LDHAL6A: variants seen among roughly 807,000 people sequenced by gnomAD.
The protein encoded by LDHAL6A is L-lactate dehydrogenase A-like 6A.
LDHAL6A carries 19 observed loss-of-function variants against 28.2 expected under a neutral mutation model. The observed-to-expected ratio is 0.67, with a 90% CI of 0.47 to 0.99. The LOEUF is 0.99. Among genes scored for constraint, LDHAL6A ranks in the 50% least tolerant of loss-of-function variants. The pLI is 0.00. For missense variants in LDHAL6A, 372 were observed against 398.6 expected, an observed-to-expected ratio of 0.93 and a Z score of 0.57; for synonymous variants, 144 against 134.4, an observed-to-expected ratio of 1.07 and a Z score of -0.49.
chr11:18,463,930 T>G (rs1355198264), intron 1 of LDHAL6A, 31 bp from the exon 2 acceptor site: 1 of 1,376,064 alleles, frequency 7.3e-7, no homozygotes, highest in Non-Finnish European at 1.0e-6. Flanking sequence ...AGAGATACAC[T>G]CACACCCATT....
chr11:18,456,443 C>G lies in LDHAL6A; in HGVS notation c.-238C>G, dbSNP rs912205947. 5 of 489,844 alleles carry G rather than the reference C, an allele frequency of 1.0e-5. No individual in the cohort carries two copies. Among genetic ancestry groups the G allele is most frequent in the Non-Finnish European group, 1.8e-5 (5 of 275,504 alleles). The allele number at this position is 489,844 out of a possible 1,614,324, so 30.3% of individuals were successfully genotyped here. A position where few individuals can be genotyped will look rare whatever the true frequency, so the allele number is the denominator to read the frequency against. Reference sequence around the variant, plus strand: ...TCTTAATTCCTCTTAACTGTACTCACGCTTCCTTCTCCTTCCCCTGGTCCG... The same window carrying G: ...TCTTAATTCCTCTTAACTGTACTCAGGCTTCCTTCTCCTTCCCCTGGTCCG... On this transcript the variant is annotated 5_prime_UTR_variant, in exon 1 of 7. Coordinates refer to ENST00000280706, the MANE Select transcript of LDHAL6A (RefSeq NM_144972.5).
rs144668915 is a variant in LDHAL6A, at chr11:18,457,142, C to T, written c.126+336C>T. On this transcript the variant is annotated intron_variant, in intron 1 of 6. Coordinates refer to ENST00000280706, the MANE Select transcript of LDHAL6A (RefSeq NM_144972.5). ...TAGGTGGCAGAAAAGAGTATACAAGCGTGTCAGTGATGGTAGGCAGCCTAC... is the reference window on the plus strand; with the variant it reads ...TAGGTGGCAGAAAAGAGTATACAAGTGTGTCAGTGATGGTAGGCAGCCTAC... 4.7e-3 allele frequency among the ~76,000 whole-genome samples: 720 copies of T among 152,162 alleles called. 6 individuals carry two copies. Among genetic ancestry groups the T allele is most frequent in the African/African-American group, 0.017 (696 of 41,516 alleles).
chr11:18,475,714 C>CT lies in LDHAL6A; in HGVS notation c.592+76dup. 4 of 1,295,176 alleles carry CT rather than the reference C, an allele frequency of 3.1e-6. No homozygotes were observed. The Middle Eastern group carries it at 7.9e-4, about 256-fold the overall frequency. 80.2% of individuals were successfully genotyped at this position (1,295,176 alleles called of 1,614,324 possible). On this transcript the variant is annotated intron_variant, in intron 4 of 6. Transcript: ENST00000280706. ...CATACAGACATTTAATGTAAAGTAG[C>CT]TCCTGGGAGGGGAGAAAAGACTTTA...
rs796666851 is a variant in LDHAL6A at position 18,467,892 on chromosome 11, T to C, written c.418+2082T>C. Among the ~76,000 whole-genome samples, 43 of 67,636 alleles carry C rather than the reference T, an allele frequency of 6.4e-4. 2 individuals are homozygous for C. Among genetic ancestry groups the C allele is most frequent in the South Asian group, 1.8e-3 (3 of 1,630 alleles). 44.4% of individuals were successfully genotyped at this position (67,636 alleles called of 152,430 possible). A position where few individuals can be genotyped will look rare whatever the true frequency, so the allele number is the denominator to read the frequency against. ...ATATATATACACACATATATATATA[T>C]ATATATATATATATATATATATATA... is the stretch of plus-strand genomic sequence containing the variant. On this transcript the variant is annotated intron_variant, in intron 3 of 6. Coordinates refer to ENST00000280706, the MANE Select transcript of LDHAL6A (RefSeq NM_144972.5).
At position 18,478,822 on chromosome 11, in the gene LDHAL6A, A is replaced by G; in HGVS notation, c.951A>G (p.Gln317=). ...KLTLEEEACL[Q]KSAETLWEIQ... ...CTCTTGAAGAGGAGGCCTGCTTGCA[A>G]AAGAGTGCAGAAACACTTTGGGAAA... Residue 317 remains glutamine (Q), a synonymous_variant, in exon 7 of 7, where the codon CAA becomes CAG. Coordinates refer to ENST00000280706, the MANE Select transcript of LDHAL6A (RefSeq NM_144972.5). 6.2e-7 allele frequency: 1 copy of G among 1,613,990 alleles called. No homozygotes were observed. Among genetic ancestry groups the G allele is most frequent in the Non-Finnish European group, 8.5e-7 (1 of 1,180,000 alleles).
chr11:18,460,344 C>A (rs565085930), intron 1 of LDHAL6A, among the ~76,000 whole-genome samples: 1 of 152,166 alleles, frequency 6.6e-6, no homozygotes, highest in African/African-American at 2.4e-5. Context: ...GTAATCCCAG[C>A]ACTTTGGGAG....
chr11:18,467,961 ATATATACG>A (rs1169755715), intron 3 of LDHAL6A, among the ~76,000 whole-genome samples: 22 of 22,444 alleles, frequency 9.8e-4, no homozygotes, highest in African/African-American at 2.2e-3. Context: ...ATATACGTAT[ATATATACG>A]TATATATATA....
chr11:18,456,729 G>A lies in LDHAL6A; in HGVS notation c.49G>A (p.Ala17Thr), dbSNP rs760807630. 10 of 1,613,774 alleles carry A rather than the reference G, an allele frequency of 6.2e-6. No homozygotes were observed. The highest frequency in any genetic ancestry group is 8.5e-6 in the Non-Finnish European group (10 of 1,179,668). The change falls in exon 1 of 7, where the codon GCC becomes ACC. Residue 17 changes from alanine (A) to threonine (T), a missense_variant. Ala to Thr is a moderately conservative substitution (Grantham distance 58). This residue lies in a region of LDHAL6A where 77 missense variants were observed against 77.9 expected (regional missense o/e 0.99). Transcript: ENST00000280706. ...ELIKNFAEEE[A>T]IHHNKISIVG... ...TATTAAGAATTTCGCGGAAGAGGAG[G>A]CCATTCATCACAATAAGATCTCCAT...
rs369291120 is a variant in LDHAL6A at position 18,475,469 on chromosome 11, A to C, written c.422A>C (p.Asp141Ala). 6.2e-7 allele frequency: 1 copy of C among 1,610,982 alleles called. No homozygotes were observed. ...CKLLIVTNPV[D>A]ILTYVAWKLS... ...GATATGAACTTTTTCTTCTTAGTGGATATCTTAACTTATGTAGCCTGGAAG... is the reference window on the plus strand; with the variant it reads ...GATATGAACTTTTTCTTCTTAGTGGCTATCTTAACTTATGTAGCCTGGAAG... Residue 141 changes from aspartate (D) to alanine (A), a missense_variant, in exon 4 of 7, where the codon GAT (aspartate) becomes GCT (alanine). This residue lies in a region of LDHAL6A where 291 missense variants were observed against 302.9 expected (regional missense o/e 0.96). Transcript: ENST00000280706.
At chr11:18,465,164 G>A (rs1024787060) in intron 2 of LDHAL6A, among the ~76,000 whole-genome samples, 10 of 151,720 alleles carry the variant, frequency 6.6e-5, no homozygotes, top group East Asian at 3.9e-4. Context: ...ACGGAGTCTC[G>A]CTCTGTCACC....
intron 2 of LDHAL6A, 133 bp from the exon 3 acceptor site, chr11:18,465,504 C>T: frequency 1.9e-6 from 1 of 522,292 alleles, no homozygotes; most frequent in Non-Finnish European, 3.2e-6. Flanking sequence ...AAAAAGTAGT[C>T]TAGGCATACT....
Position 18,467,996 on chromosome 11 carries a change from TATATACGTATATATATAC to T in LDHAL6A, c.418+2192_418+2209del, listed in dbSNP as rs1565071549. Among the ~76,000 whole-genome samples the T allele has an allele frequency of 3.4e-4, 19 of 56,446 alleles. 1 individual carries two copies. Among genetic ancestry groups the T allele is most frequent in the East Asian group, 3.1e-3 (4 of 1,270 alleles). 37.0% of individuals were successfully genotyped at this position (56,446 alleles called of 152,430 possible). On this transcript the variant is annotated intron_variant, in intron 3 of 6. Coordinates refer to ENST00000280706, the MANE Select transcript of LDHAL6A (RefSeq NM_144972.5). ...ATATATATACGTATATATATGCATATATATACGTATATATATACATATATATACGTATATATATATACA... is the reference window on the plus strand; with the variant it reads ...ATATATATACGTATATATATGCATATATATATATACGTATATATATATACA...
chr11:18,466,560 G>A lies in LDHAL6A; in HGVS notation c.418+750G>A, dbSNP rs550561558. Among the ~76,000 whole-genome samples the A allele has an allele frequency of 2.3e-3, 343 of 151,528 alleles. 1 individual carries two copies. Among genetic ancestry groups the A allele is most frequent in the African/African-American group, 7.6e-3 (315 of 41,254 alleles). On this transcript the variant is annotated intron_variant, in intron 3 of 6. Transcript: ENST00000280706. ...TCCCAGCTACTCAGGAGGCTGAGGC[G>A]GGAGGATTGCTTCAGCCAGGGAGGT...
In LDHAL6A at chr11:18,479,352, T is replaced by C. The variant is rs1849481166; in HGVS notation, c.*482T>C. On this transcript the variant is annotated 3_prime_UTR_variant, in exon 7 of 7. Coordinates refer to ENST00000280706, the MANE Select transcript of LDHAL6A (RefSeq NM_144972.5). ...TTTTTTAAAGTGACGGCATCAAAGA[T>C]GTTTTTGGTACTTCTCAGTACTTGC... 1 of 151,038 alleles carries C rather than the reference T, an allele frequency of 6.6e-6. No homozygotes were observed. The allele number at this position is 151,038 out of a possible 1,614,324, so 9.4% of individuals were successfully genotyped here. A position where few individuals can be genotyped will look rare whatever the true frequency, so the allele number is the denominator to read the frequency against.
At position 18,467,438 on chromosome 11, in the gene LDHAL6A, T is replaced by A. The variant is rs1195890700; in HGVS notation, c.418+1628T>A. On this transcript the variant is annotated intron_variant, in intron 3 of 6. Transcript: ENST00000280706. ...GTTACTACATACGTTTTTCTCCATCTTCTTTCATTTTTAACTTAATATATC... is the reference window on the plus strand; with the variant it reads ...GTTACTACATACGTTTTTCTCCATCATCTTTCATTTTTAACTTAATATATC... Among the ~76,000 whole-genome samples the A allele has an allele frequency of 2.6e-5, 4 of 152,232 alleles. No individual in the cohort carries two copies. In the South Asian group the frequency reaches 8.3e-4, roughly 31 times the overall value.
At position 18,456,492 on chromosome 11, in the gene LDHAL6A, G is replaced by T; in HGVS notation, c.-189G>T. 3.5e-6 allele frequency: 2 copies of T among 572,864 alleles called. No individual in the cohort carries two copies. The highest frequency in any genetic ancestry group is 2.1e-5 in the South Asian group (1 of 48,328). The allele number at this position is 572,864 out of a possible 1,614,324, so 35.5% of individuals were successfully genotyped here. A position where few individuals can be genotyped will look rare whatever the true frequency, so the allele number is the denominator to read the frequency against. ...CGCTTCATGGATGCTGAGCTGCCTGGCCAGAACCTACCCAGCTTCTTTGCT... is the reference window on the plus strand; with the variant it reads ...CGCTTCATGGATGCTGAGCTGCCTGTCCAGAACCTACCCAGCTTCTTTGCT... On this transcript the variant is annotated 5_prime_UTR_variant, in exon 1 of 7. Coordinates refer to ENST00000280706, the MANE Select transcript of LDHAL6A (RefSeq NM_144972.5).
At chr11:18,473,414 C>T (rs779961172) in intron 3 of LDHAL6A, among the ~76,000 whole-genome samples, 4 of 150,256 alleles carry the variant, frequency 2.7e-5, no homozygotes, top group Admixed American at 1.3e-4. Flanking sequence ...GACAGACAGA[C>T]AGATAGATAC....
intron 3 of LDHAL6A, chr11:18,469,233 A>C (rs1474229925): frequency 1.6e-6 from 1 of 622,752 alleles, no homozygotes; most frequent in Non-Finnish European, 2.8e-6. Flanking sequence ...GGGGACAGTA[A>C]GTTCACATTT....
At chr11:18,473,723 T>TC (rs1299220234) in intron 3 of LDHAL6A, among the ~76,000 whole-genome samples, 1 of 152,156 alleles carries the variant, frequency 6.6e-6, no homozygotes, top group Non-Finnish European at 1.5e-5. Context: ...GTAGTTTTTT[T>TC]CTCCCTTGTC....
Sources: allele counts gnomAD v4.1 joint callset (sites outside exome capture counted in the v4.1 genomes callset), GRCh38; gene constraint gnomAD v4.1.1; regional missense constraint gnomAD v4.1.1; transcripts MANE v1.5; gene names NCBI Gene and HGNC (gene_info 2026-07-23, HGNC 2026-07-21).